SCP2: variants seen among roughly 807,000 people sequenced by gnomAD.
The protein encoded by SCP2 is SCP-2/3-oxoacyl-CoA thiolase.
SCP2 carries 48 observed loss-of-function variants against 71.4 expected under a neutral mutation model. That is an observed-to-expected ratio of 0.67 (90% CI 0.53 to 0.86). The LOEUF is 0.86. Ranked by LOEUF, SCP2 falls within the 40% of genes least tolerant of loss-of-function variation. SCP2 has a pLI of 0.00. For missense variants in SCP2, 560 were observed against 655.6 expected (o/e 0.85, Z 1.59); for synonymous variants, 220 against 218.1 (o/e 1.01, Z -0.08).
At chr1:52,938,119 C>A (rs757081904) in intron 1 of SCP2, among the ~76,000 whole-genome samples, 7 of 152,184 alleles carry the variant, frequency 4.6e-5, no homozygotes, top group Admixed American at 1.3e-4. Context: ...CTAGAGGTTG[C>A]TTTCATTGCC....
At chr1:52,941,515 T>G (rs1356571840) in intron 1 of SCP2, among the ~76,000 whole-genome samples, 1 of 151,790 alleles carries the variant, frequency 6.6e-6, no homozygotes, top group African/African-American at 2.4e-5. Flanking sequence ...GGCAGGCAGA[T>G]CACAAGGTCA....
At chr1:53,040,461 C>A (rs77562670) in intron 14 of SCP2, among the ~76,000 whole-genome samples, 9,686 of 152,252 alleles carry the variant, frequency 0.064, 862 homozygotes, top group African/African-American at 0.2. Context: ...TCCCTCCTTT[C>A]CTTTGGATCT....
intron 11 of SCP2, chr1:52,995,645 C>T: frequency 1.5e-6 from 1 of 655,884 alleles, no homozygotes; most frequent in Non-Finnish European, 2.9e-6. Context: ...CTCACCGTGG[C>T]TGCTGTCTTT....
chr1:53,001,516 T>G (rs1352122497), intron 11 of SCP2, among the ~76,000 whole-genome samples: 2 of 152,226 alleles, frequency 1.3e-5, no homozygotes, highest in African/African-American at 2.4e-5. Flanking sequence ...CATGTACAAG[T>G]GCATTCAATT....
intron 6 of SCP2, among the ~76,000 whole-genome samples, chr1:52,963,461 G>A (rs901134854): frequency 4.0e-5 from 6 of 151,650 alleles, no homozygotes; most frequent in African/African-American, 1.5e-4. Context: ...CCATATGTAT[G>A]TTATCTTATT....
chr1:53,018,407 A>G (rs756277660), intron 12 of SCP2, among the ~76,000 whole-genome samples: 71 of 152,158 alleles, frequency 4.7e-4, no homozygotes, highest in Non-Finnish European at 3.5e-4. Context: ...TGTAGAAACA[A>G]TGATATTCTT....
chr1:52,993,266 T>C, intron 11 of SCP2: 1 of 1,614,188 alleles, frequency 6.2e-7, no homozygotes, highest in Non-Finnish European at 8.5e-7. Context: ...AGGAGGACAT[T>C]CCTGCTCTTG....
At chr1:52,974,914 T>G in intron 7 of SCP2, 82 bp downstream of exon 7, 2 of 771,734 alleles carry the variant, frequency 2.6e-6, no homozygotes, top group Non-Finnish European at 4.8e-6. Flanking sequence ...GAAAAGCAAA[T>G]GCCAAGATCT....
At chr1:52,944,211 C>T (rs952027508) in intron 2 of SCP2, among the ~76,000 whole-genome samples, 9 of 152,326 alleles carry the variant, frequency 5.9e-5, no homozygotes, top group Admixed American at 2.0e-4. Flanking sequence ...TGTTGCCAGG[C>T]AACCCAAAAG....
At chr1:52,995,386 T>C (rs1280963975) in intron 11 of SCP2, 2 of 464,004 alleles carry the variant, frequency 4.3e-6, no homozygotes, top group East Asian at 5.2e-5. Flanking sequence ...CTATGGGGAC[T>C]TGAACCACCT....
chr1:52,941,060 T>C (rs1654190779), intron 1 of SCP2, among the ~76,000 whole-genome samples: 1 of 152,184 alleles, frequency 6.6e-6, no homozygotes. Flanking sequence ...TCCTTAACAC[T>C]TTCCACTTTA....
chr1:52,959,129 C>T (rs1276269099), intron 5 of SCP2, among the ~76,000 whole-genome samples: 2 of 151,888 alleles, frequency 1.3e-5, no homozygotes, highest in Non-Finnish European at 2.9e-5. Flanking sequence ...ATTTTTTTCT[C>T]TTAAATTTTT....
At chr1:52,959,199 T>A (rs11206051) in intron 5 of SCP2, among the ~76,000 whole-genome samples, 44,964 of 147,778 alleles carry the variant, frequency 0.3, 7,728 homozygotes, top group East Asian at 0.5. Context: ...TTAAAAAAAA[T>A]TTTTTTTTTT....
intron 1 of SCP2, among the ~76,000 whole-genome samples, chr1:52,929,031 G>A (rs1195034922): frequency 6.6e-6 from 1 of 152,012 alleles, no homozygotes; most frequent in African/African-American, 2.4e-5. Context: ...GGGAGGTAGA[G>A]GTCGGGGAGG....
At chr1:52,959,517 AT>A (rs898808011) in intron 5 of SCP2, among the ~76,000 whole-genome samples, 12 of 149,300 alleles carry the variant, frequency 8.0e-5, no homozygotes, top group Non-Finnish European at 8.9e-5. Context: ...TTTAAAAAAT[AT>A]TTTTTTTTTG....
rs1187928715 is a variant in SCP2 at position 52,961,831 on chromosome 1, C to T, written c.523+202C>T. ...TATATAGACTATGGTATGGGAAGTA[C>T]CTAGAGTACTCTATAGCAGGAAGTT... is the stretch of plus-strand genomic sequence containing the variant. On this transcript the variant is annotated intron_variant, in intron 6 of 15. Transcript: ENST00000371514. Among the ~76,000 whole-genome samples, 10 of 152,218 alleles carry T rather than the reference C, an allele frequency of 6.6e-5. No individual in the cohort carries two copies. In the East Asian group the frequency reaches 1.9e-3, roughly 29 times the overall value.
chr1:52,983,332 T>A (rs948142729), intron 10 of SCP2, among the ~76,000 whole-genome samples: 4 of 152,170 alleles, frequency 2.6e-5, no homozygotes, highest in African/African-American at 4.8e-5. Context: ...GTTTTCTGAG[T>A]TTCTTAAGTC....
chr1:52,979,235 G>A (rs149815560), intron 9 of SCP2, among the ~76,000 whole-genome samples: 55 of 152,046 alleles, frequency 3.6e-4, no homozygotes, highest in Admixed American at 1.1e-3. Flanking sequence ...GTGGTGGTGC[G>A]ATCATAGCTC....
chr1:53,005,381 G>A (rs1294081602), intron 11 of SCP2, among the ~76,000 whole-genome samples: 2 of 152,216 alleles, frequency 1.3e-5, no homozygotes, highest in East Asian at 3.8e-4. Context: ...AGTAGGGGCT[G>A]ACCAACACCT....
Sources: allele counts gnomAD v4.1 joint callset (sites outside exome capture counted in the v4.1 genomes callset), GRCh38; gene constraint gnomAD v4.1.1; transcripts MANE v1.5; gene names NCBI Gene and HGNC (gene_info 2026-07-23, HGNC 2026-07-21).